The following VCP variants were observed in gnomAD, a reference collection of about 807,000 sequenced individuals.
VCP encodes transitional endoplasmic reticulum ATPase.
A neutral mutation model predicts 85.7 loss-of-function variants in VCP; 6 were observed. The observed-to-expected ratio is 0.07, with a 90% CI of 0.04 to 0.14. VCP has a LOEUF of 0.14. Ranked by LOEUF, VCP falls within the 10% of genes least tolerant of loss-of-function variation. VCP has a pLI of 1.00. For missense variants in VCP, 353 were observed against 1,043.4 expected (o/e 0.34, Z 9.12); for synonymous variants, 384 against 367.1 (o/e 1.05, Z -0.53).
chr9:35,059,275 G>C lies in VCP; in HGVS notation c.2005-56C>G. 5 of 1,609,776 alleles carry C rather than the reference G, an allele frequency of 3.1e-6. No homozygotes were observed. Among genetic ancestry groups the C allele is most frequent in the South Asian group, 2.2e-5 (2 of 90,448 alleles). ...TTAGCCTCTCCTCTCGAGATACGCAGATCTTTGGGCTACCCGAGCACTCCC... is the reference window on the plus strand; with the variant it reads ...TTAGCCTCTCCTCTCGAGATACGCACATCTTTGGGCTACCCGAGCACTCCC... On this transcript the variant is annotated intron_variant, in intron 14 of 16. Coordinates refer to ENST00000358901, the MANE Select transcript of VCP (RefSeq NM_007126.5). This position sits in a 1 kb window ranked among gnomAD's most constrained non-coding sequence, Gnocchi z 4.9.
At chr9:35,068,200 A>C (rs1166599487) in intron 2 of VCP, 51 bp downstream of exon 2, 1 of 1,608,264 alleles carries the variant, frequency 6.2e-7, no homozygotes, top group Admixed American at 1.7e-5. Context: ...ACCTGGGAAA[A>C]TCCCTCAAGT....
At chr9:35,070,624 TG>T (rs1255301579) in intron 1 of VCP, among the ~76,000 whole-genome samples, 22 of 152,166 alleles carry the variant, frequency 1.4e-4, no homozygotes, top group Admixed American at 6.5e-4. Flanking sequence ...TTAATAGAGA[TG>T]GGGTTTCTCC....
At chr9:35,064,010 G>C in intron 6 of VCP, 144 bp downstream of exon 6, 1 of 1,366,188 alleles carries the variant, frequency 7.3e-7, no homozygotes, top group Non-Finnish European at 1.0e-6. Flanking sequence ...TAGAGCCTTA[G>C]GTAAACTAAA....
At chr9:35,058,023 T>C (rs1828644948) in intron 15 of VCP, among the ~76,000 whole-genome samples, 1 of 152,204 alleles carries the variant, frequency 6.6e-6, no homozygotes, top group Non-Finnish European at 1.5e-5. Flanking sequence ...GTGACATATA[T>C]ACTCTTAAAT....
chr9:35,057,073 C>A lies in VCP; in HGVS notation c.*44G>T. 10 of 1,607,092 alleles carry A rather than the reference C, an allele frequency of 6.2e-6. No individual in the cohort carries two copies. Among genetic ancestry groups the A allele is most frequent in the Non-Finnish European group, 8.5e-6 (10 of 1,174,724 alleles). On this transcript the variant is annotated 3_prime_UTR_variant, in exon 17 of 17. Coordinates refer to ENST00000358901, the MANE Select transcript of VCP (RefSeq NM_007126.5). ...GGCAAGCGCCCCCACCCCCAGGGAACAAGGTCCAGGCAGGCCAGCTCACTG... is the reference window on the plus strand; with the variant it reads ...GGCAAGCGCCCCCACCCCCAGGGAAAAAGGTCCAGGCAGGCCAGCTCACTG...
At chr9:35,071,132 T>C (rs1482736303) in intron 1 of VCP, among the ~76,000 whole-genome samples, 1 of 152,142 alleles carries the variant, frequency 6.6e-6, no homozygotes, top group African/African-American at 2.4e-5. Flanking sequence ...TGACTGCATA[T>C]AAACCAAAAG....
intron 1 of VCP, among the ~76,000 whole-genome samples, 163 bp from the exon 2 acceptor site, chr9:35,068,525 C>T (rs1828878420): frequency 6.6e-6 from 1 of 152,166 alleles, no homozygotes; most frequent in Non-Finnish European, 1.5e-5. Flanking sequence ...CAGTATCTAC[C>T]ATACATATTA....
In VCP at chr9:35,063,078, A is replaced by C. The variant is rs755771885; in HGVS notation, c.711T>G (p.Pro237=). The C allele has an allele frequency of 5.6e-6, 9 of 1,613,908 alleles. No individual in the cohort carries two copies. Among genetic ancestry groups the C allele is most frequent in the Middle Eastern group, 1.6e-4 (1 of 6,082 alleles). ...GTCCGTAAAGCAGGATTCCTCTAGG[A>C]GGCTGTGGACCAATGCAGAGTGTGA... is the stretch of plus-strand genomic sequence containing the variant. ...PALFKAIGVK[P]PRGILLYGPP... is the part of the protein sequence containing the mutation. Residue 237 remains proline, a splice_region_variant and synonymous_variant, in exon 7 of 17, where the codon CCT becomes CCG. Coordinates refer to ENST00000358901, the MANE Select transcript of VCP (RefSeq NM_007126.5).
At chr9:35,061,456 C>T in intron 10 of VCP, 121 bp downstream of exon 10, 3 of 1,056,272 alleles carry the variant, frequency 2.8e-6, no homozygotes, top group Non-Finnish European at 4.4e-6. Flanking sequence ...CAGATTACTT[C>T]CTTTCCCCTG....
chr9:35,071,905 G>A, intron 1 of VCP: 1 of 1,002,368 alleles, frequency 1.0e-6, no homozygotes, highest in Non-Finnish European at 1.2e-6. Flanking sequence ...CCCGGCTGGG[G>A]CCTCGGGCTC....
At position 35,072,429 on chromosome 9, in the gene VCP, G is replaced by C. The variant is rs1224344216; in HGVS notation, c.-76C>G. The C allele has an allele frequency of 1.1e-5, 16 of 1,425,712 alleles. No homozygotes were observed. The East Asian group carries it at 4.5e-4, about 40-fold the overall frequency. The allele number at this position is 1,425,712 out of a possible 1,614,324, so 88.3% of individuals were successfully genotyped here. A position where few individuals can be genotyped will look rare whatever the true frequency, so the allele number is the denominator to read the frequency against. On this transcript the variant is annotated 5_prime_UTR_variant, in exon 1 of 17. Coordinates refer to ENST00000358901, the MANE Select transcript of VCP (RefSeq NM_007126.5). Reference sequence around the variant, plus strand: ...ACGAGCGGTGGCAAGCGACCGACTGGGCCGGGGCTCGGCTCTTCCAGGCGG... The same window carrying C: ...ACGAGCGGTGGCAAGCGACCGACTGCGCCGGGGCTCGGCTCTTCCAGGCGG...
intron 16 of VCP, 67 bp downstream of exon 16, chr9:35,057,309 T>A (rs2131026370): frequency 6.2e-7 from 1 of 1,613,962 alleles, no homozygotes; most frequent in Non-Finnish European, 8.5e-7. Context: ...TCCTTAGGAC[T>A]CCCATCCCTT....
chr9:35,065,417 G>A (rs199892712), intron 4 of VCP, 36 bp from the exon 5 acceptor site: 2 of 1,613,582 alleles, frequency 1.2e-6, no homozygotes, highest in East Asian at 2.2e-5. Flanking sequence ...AGTTAGAGGT[G>A]TCAACTACAA....
chr9:35,065,998 C>T (rs1464048216), intron 4 of VCP, among the ~76,000 whole-genome samples: 5 of 151,956 alleles, frequency 3.3e-5, no homozygotes, highest in African/African-American at 7.2e-5. Context: ...TGGTGGCAGA[C>T]GCCTGTAATC....
Position 35,056,429 on chromosome 9 carries a change from C to T in VCP, c.*688G>A, listed in dbSNP as rs760479906. ...GGTGAGGCAACAGGAGACATCATAC[C>T]GATGTTGATCAGGAGAGGAAGAAGG... On this transcript the variant is annotated 3_prime_UTR_variant, in exon 17 of 17. Coordinates refer to ENST00000358901, the MANE Select transcript of VCP (RefSeq NM_007126.5). The T allele has an allele frequency of 1.9e-5, 3 of 155,718 alleles. No homozygotes were observed. The highest frequency in any genetic ancestry group is 4.3e-5 in the Non-Finnish European group (3 of 70,094). The allele number at this position is 155,718 out of a possible 1,614,324, so 9.6% of individuals were successfully genotyped here.
At chr9:35,061,461 C>A in intron 10 of VCP, 116 bp downstream of exon 10, 2 of 1,090,070 alleles carry the variant, frequency 1.8e-6, no homozygotes. Context: ...TACTTCCTTT[C>A]CCCTGTCCAG....
At chr9:35,072,150 G>A (rs1828966204) in intron 1 of VCP, 187 bp downstream of exon 1, 1 of 1,397,778 alleles carries the variant, frequency 7.2e-7, no homozygotes, top group Non-Finnish European at 9.2e-7. Context: ...GGGGGCGCGC[G>A]GGTGCGCAGC....
intron 5 of VCP, among the ~76,000 whole-genome samples, chr9:35,064,760 T>A (rs1396672936): frequency 6.6e-6 from 1 of 152,220 alleles, no homozygotes; most frequent in Non-Finnish European, 1.5e-5. Context: ...TTCAGTCTAG[T>A]TTTTTGAAAT....
chr9:35,067,548 TGAG>T (rs1433990310), intron 3 of VCP, among the ~76,000 whole-genome samples: 2 of 152,142 alleles, frequency 1.3e-5, no homozygotes, highest in Non-Finnish European at 2.9e-5. Context: ...GTGAGAGTAG[TGAG>T]GAGATTATTT....
Sources: gnomAD v4.1 joint callset for allele counts (sites outside exome capture counted in the v4.1 genomes callset) on GRCh38, gnomAD v4.1.1 for gene constraint, Gnocchi (gnomAD v3.1) non-coding constraint, MANE v1.5 for transcripts, NCBI Gene and HGNC (gene_info 2026-07-23, HGNC 2026-07-21) for gene names.